Variants in NECTIN3 observed in about 807,000 individuals in gnomAD.
NECTIN3 encodes the protein nectin-3.
A neutral mutation model predicts 49.4 loss-of-function variants in NECTIN3; 8 were observed. The observed-to-expected ratio is 0.16, with a 90% CI of 0.10 to 0.29. NECTIN3 has a LOEUF of 0.29. NECTIN3 is among the 10% of genes least tolerant of loss of function. NECTIN3 has a pLI of 1.00. For synonymous variants in NECTIN3, 277 were observed against 241.1 expected (o/e 1.15, Z -1.38); for missense variants, 581 against 654.6 (o/e 0.89, Z 1.23).
At chr3:111,163,063 A>G (rs1173221230) in intron 7 of NECTIN3, among the ~76,000 whole-genome samples, 1 of 152,196 alleles carries the variant, frequency 6.6e-6, no homozygotes, top group Admixed American at 6.5e-5. Context: ...TCACAAAGTT[A>G]CAGTCAGATG....
upstream of NECTIN3, among the ~76,000 whole-genome samples, chr3:111,189,858 C>T (rs982310106): frequency 6.6e-6 from 1 of 152,192 alleles, no homozygotes; most frequent in Non-Finnish European, 1.5e-5. Flanking sequence ...GCCATATGCA[C>T]CATGACTGTG....
Position 111,136,978 on chromosome 3 carries a change from T to C in NECTIN3, c.*2763T>C, listed in dbSNP as rs2034600835. 3 of 977,422 alleles carry C rather than the reference T, an allele frequency of 3.1e-6. No homozygotes were observed. Among genetic ancestry groups the C allele is most frequent in the South Asian group, 4.7e-5 (1 of 21,134 alleles). 60.5% of individuals were successfully genotyped at this position (977,422 alleles called of 1,614,324 possible). ...AGGGTTCTATTTGCTAACTCTAATA[T>C]TGAGGAAACTATTAAGGTTTTCAGT... On this transcript the variant is annotated 3_prime_UTR_variant, in exon 6 of 6. Coordinates refer to ENST00000485303, the MANE Select transcript of NECTIN3 (RefSeq NM_015480.3).
chr3:111,130,782 T>C (rs967587700), intron 5 of NECTIN3, among the ~76,000 whole-genome samples: 1 of 152,140 alleles, frequency 6.6e-6, no homozygotes, highest in African/African-American at 2.4e-5. Context: ...ATAATAGTAA[T>C]ACTCTCAAGA....
At chr3:111,191,253 T>C (rs1029329216), upstream of NECTIN3, among the ~76,000 whole-genome samples, 1 of 152,208 alleles carries the variant, frequency 6.6e-6, no homozygotes, top group South Asian at 2.1e-4. Flanking sequence ...CTTGCATAAC[T>C]AAGCCTCAGT....
chr3:111,086,029 G>T (rs1156478457), intron 1 of NECTIN3, among the ~76,000 whole-genome samples: 3 of 152,108 alleles, frequency 2.0e-5, no homozygotes, highest in African/African-American at 7.2e-5. Context: ...AGTGGTGATT[G>T]TGATTTTAAT....
At chr3:111,091,475 A>ATC (rs1226209964) in intron 1 of NECTIN3, among the ~76,000 whole-genome samples, 3 of 152,010 alleles carry the variant, frequency 2.0e-5, no homozygotes, top group Non-Finnish European at 4.4e-5. Context: ...GATGGTCTCA[A>ATC]TCTCCTGACC....
intron 1 of NECTIN3, among the ~76,000 whole-genome samples, chr3:111,101,875 C>T (rs570198477): frequency 3.9e-5 from 6 of 152,272 alleles, no homozygotes; most frequent in African/African-American, 7.2e-5. Context: ...ATTCAGCCTT[C>T]GTTTCCAGCC....
chr3:111,082,854 C>T (rs904974294), intron 1 of NECTIN3, among the ~76,000 whole-genome samples: 7 of 152,162 alleles, frequency 4.6e-5, no homozygotes, highest in African/African-American at 7.2e-5. Context: ...TAGACAGTCC[C>T]GTCTGGGGGT....
At chr3:111,114,325 A>G (rs1019330389) in intron 2 of NECTIN3, among the ~76,000 whole-genome samples, 3 of 151,952 alleles carry the variant, frequency 2.0e-5, no homozygotes, top group African/African-American at 7.3e-5. Context: ...CTTCCGTGTA[A>G]CTATTATTCA....
At chr3:111,099,536 TA>T (rs1421674413) in intron 1 of NECTIN3, among the ~76,000 whole-genome samples, 1 of 152,214 alleles carries the variant, frequency 6.6e-6, no homozygotes, top group East Asian at 1.9e-4. Context: ...ATTAATACTT[TA>T]TATTCCATGA....
At chr3:111,100,331 A>G (rs1029704552) in intron 1 of NECTIN3, among the ~76,000 whole-genome samples, 2 of 152,198 alleles carry the variant, frequency 1.3e-5, no homozygotes, top group African/African-American at 2.4e-5. Context: ...AAAATTTGAA[A>G]TGCTCCAAAA....
At chr3:111,077,403 A>G (rs2031292510) in intron 1 of NECTIN3, 2 of 236,384 alleles carry the variant, frequency 8.5e-6, no homozygotes, top group Non-Finnish European at 1.7e-5. Flanking sequence ...GTTGCACCCA[A>G]TAGAGGCCCT....
intron 1 of NECTIN3, among the ~76,000 whole-genome samples, chr3:111,089,335 G>A (rs560749342): frequency 1.3e-5 from 2 of 151,618 alleles, no homozygotes; most frequent in Non-Finnish European, 2.9e-5. Flanking sequence ...TTTATTTGGA[G>A]AGGGGCTTAT....
chr3:111,122,059 C>T, intron 3 of NECTIN3, 62 bp from the exon 4 acceptor site: 1 of 1,091,520 alleles, frequency 9.2e-7, no homozygotes, highest in Non-Finnish European at 1.4e-6. Flanking sequence ...AATATTTTAT[C>T]ATGTATATTG....
chr3:111,189,900 C>G (rs1285448362), upstream of NECTIN3, among the ~76,000 whole-genome samples: 1 of 152,138 alleles, frequency 6.6e-6, no homozygotes, highest in East Asian at 1.9e-4. Context: ...GCCCAGGCAT[C>G]TGCCTGGGCT....
intron 2 of NECTIN3, among the ~76,000 whole-genome samples, chr3:111,113,402 G>A (rs1418180465): frequency 6.6e-6 from 1 of 152,114 alleles, no homozygotes; most frequent in African/African-American, 2.4e-5. Context: ...TCACATCACA[G>A]TGTCTGCTTC....
intron 1 of NECTIN3, among the ~76,000 whole-genome samples, chr3:111,098,946 A>G (rs2032747937): frequency 6.7e-6 from 1 of 149,686 alleles, no homozygotes; most frequent in Non-Finnish European, 1.5e-5. Context: ...AAAAAAAAAG[A>G]TGAGCAAACA....
chr3:111,137,641 A>T (rs2034628051), downstream of NECTIN3: 1 of 280,310 alleles, frequency 3.6e-6, no homozygotes. Flanking sequence ...GTGCGTGTGT[A>T]ACCTAGTTTA....
intron 7 of NECTIN3, among the ~76,000 whole-genome samples, chr3:111,153,030 G>T (rs2035030717): frequency 6.6e-6 from 1 of 151,908 alleles, no homozygotes. Flanking sequence ...TGATCTTTGG[G>T]ATTAGGGAAG....
Sources: allele counts gnomAD v4.1 joint callset (sites outside exome capture counted in the v4.1 genomes callset), GRCh38; gene constraint gnomAD v4.1.1; transcripts MANE v1.5; gene names NCBI Gene and HGNC (gene_info 2026-07-23, HGNC 2026-07-21).